Variants in CTNNA3 observed in about 807,000 individuals in gnomAD.
CTNNA3 encodes catenin alpha-3.
In CTNNA3, 76 loss-of-function variants were observed where a neutral mutation model predicts 95.7. The observed-to-expected ratio is 0.79, with a 90% CI of 0.66 to 0.96. The LOEUF (loss-of-function observed/expected upper bound fraction) is 0.96, where lower values mean the gene tolerates loss of function less well. Among genes scored for constraint, CTNNA3 ranks in the 40% least tolerant of loss-of-function variants. The probability of loss-of-function intolerance (pLI) is 0.00; values close to 1 mark genes in which losing one functional copy is unlikely to be tolerated. For synonymous variants in CTNNA3, 431 were observed against 374.4 expected (o/e 1.15, Z -1.74); for missense variants, 1,191 against 1,089.8 (o/e 1.09, Z -1.31).
chr10:67,064,308 G>C (rs891693285), intron 7 of CTNNA3, among the ~76,000 whole-genome samples: 19 of 151,912 alleles, frequency 1.3e-4, no homozygotes, highest in African/African-American at 4.1e-4. Flanking sequence ...ATTCTTGTTA[G>C]GTTTAATTTC....
chr10:66,210,265 T>C (rs572454322), intron 13 of CTNNA3, among the ~76,000 whole-genome samples: 15 of 151,036 alleles, frequency 9.9e-5, no homozygotes, highest in Admixed American at 3.3e-4. Flanking sequence ...ACAGCTGATA[T>C]GGGGAAAAAA....
At chr10:67,153,833 T>G (rs1486100596) in intron 7 of CTNNA3, among the ~76,000 whole-genome samples, 1 of 152,062 alleles carries the variant, frequency 6.6e-6, no homozygotes, top group Non-Finnish European at 1.5e-5. Flanking sequence ...AAAATGTTCC[T>G]TTTTTTCATA....
At chr10:66,766,200 A>G (rs757648535) in intron 9 of CTNNA3, 64 bp downstream of exon 9, 21 of 1,536,196 alleles carry the variant, frequency 1.4e-5, no homozygotes, top group Non-Finnish European at 1.5e-5. Flanking sequence ...CAATTCAACC[A>G]TAAATGGAGA....
At chr10:66,880,481 A>C (rs1844804048) in intron 7 of CTNNA3, among the ~76,000 whole-genome samples, 1 of 152,108 alleles carries the variant, frequency 6.6e-6, no homozygotes, top group Non-Finnish European at 1.5e-5. Context: ...AGGGTCTGTT[A>C]CTCAAACATA....
intron 13 of CTNNA3, among the ~76,000 whole-genome samples, chr10:66,258,043 T>G (rs184442318): frequency 2.6e-5 from 4 of 152,294 alleles, no homozygotes; most frequent in Admixed American, 2.6e-4. Flanking sequence ...ACACTTAACT[T>G]GAACAATTCT....
chr10:66,621,834 T>C lies in CTNNA3; in HGVS notation c.1282-50A>G, dbSNP rs150747678. 3.4e-3 allele frequency: 3,882 copies of C among 1,134,848 alleles called. 12 individuals carry two copies. The highest frequency in any genetic ancestry group is 4.1e-3 in the Non-Finnish European group (3,139 of 762,126). The allele number at this position is 1,134,848 out of a possible 1,614,324, so 70.3% of individuals were successfully genotyped here. ...AAATTATTTTAGATTAGCAAGGAAA[T>C]GCAGCAACACTTATACTGAACAAGA... On this transcript the variant is annotated intron_variant, in intron 9 of 17. Transcript: ENST00000433211.
chr10:66,899,814 G>A (rs1845659796), intron 7 of CTNNA3, among the ~76,000 whole-genome samples: 1 of 152,092 alleles, frequency 6.6e-6, no homozygotes, highest in African/African-American at 2.4e-5. Context: ...ATCTGCCACT[G>A]CTGAGGCTTG....
chr10:67,364,598 C>G (rs1430083033), intron 5 of CTNNA3, among the ~76,000 whole-genome samples: 1 of 152,078 alleles, frequency 6.6e-6, no homozygotes, highest in East Asian at 1.9e-4. Flanking sequence ...AAACAGAGAG[C>G]CAAATCATGA....
chr10:66,843,430 G>T (rs1843138894), intron 7 of CTNNA3, among the ~76,000 whole-genome samples: 1 of 152,204 alleles, frequency 6.6e-6, no homozygotes, highest in Non-Finnish European at 1.5e-5. Flanking sequence ...TGTGAGATGT[G>T]CCTGATAAAC....
chr10:67,615,640 A>G (rs959011243), intron 2 of CTNNA3, among the ~76,000 whole-genome samples: 6 of 151,500 alleles, frequency 4.0e-5, no homozygotes, highest in Non-Finnish European at 8.8e-5. Flanking sequence ...TAAATGTGTA[A>G]CACAACGGCA....
At chr10:67,477,704 A>G (rs1172431610) in intron 5 of CTNNA3, among the ~76,000 whole-genome samples, 1 of 152,226 alleles carries the variant, frequency 6.6e-6, no homozygotes, top group Non-Finnish European at 1.5e-5. Context: ...CTGCAAGAAA[A>G]TAATTACAAA....
intron 16 of CTNNA3, among the ~76,000 whole-genome samples, chr10:65,984,467 A>AAAGG (rs2078384719): frequency 6.6e-6 from 1 of 151,382 alleles, no homozygotes; most frequent in African/African-American, 2.4e-5. Flanking sequence ...ATGAAATGGA[A>AAAGG]AAGGCCAAAA....
At chr10:67,215,179 C>T (rs1173181117) in intron 6 of CTNNA3, among the ~76,000 whole-genome samples, 1 of 152,092 alleles carries the variant, frequency 6.6e-6, no homozygotes, top group Admixed American at 6.6e-5. Context: ...ACCTAATCAC[C>T]TGTTTTGCCT....
chr10:67,504,004 A>C (rs928530536), intron 5 of CTNNA3, among the ~76,000 whole-genome samples: 25 of 151,560 alleles, frequency 1.6e-4, no homozygotes, highest in Non-Finnish European at 2.9e-4. Flanking sequence ...AAAAATACAA[A>C]AAATCAGCTG....
intron 12 of CTNNA3, among the ~76,000 whole-genome samples, chr10:66,337,695 G>A (rs1186361410): frequency 6.6e-6 from 1 of 152,066 alleles, no homozygotes; most frequent in African/African-American, 2.4e-5. Flanking sequence ...AAACCCTAAT[G>A]AGATGTCATT....
chr10:67,429,856 T>C (rs1255982240), intron 5 of CTNNA3, among the ~76,000 whole-genome samples: 1 of 151,892 alleles, frequency 6.6e-6, no homozygotes, highest in Non-Finnish European at 1.5e-5. Context: ...CCAATTTGGA[T>C]GCACATGTTT....
chr10:67,115,035 T>C (rs1490898227), intron 7 of CTNNA3, among the ~76,000 whole-genome samples: 3 of 152,094 alleles, frequency 2.0e-5, no homozygotes, highest in Non-Finnish European at 4.4e-5. Context: ...TTGTGTCAGC[T>C]CAGAACTTCC....
At chr10:66,160,253 C>T (rs562671851) in intron 13 of CTNNA3, among the ~76,000 whole-genome samples, 3 of 151,798 alleles carry the variant, frequency 2.0e-5, no homozygotes, top group Non-Finnish European at 2.9e-5. Flanking sequence ...TCTCTAGTTC[C>T]TTGAGGTGTG....
intron 9 of CTNNA3, among the ~76,000 whole-genome samples, chr10:66,645,228 A>G (rs1291447414): frequency 2.0e-5 from 3 of 152,214 alleles, no homozygotes; most frequent in Admixed American, 2.0e-4. Flanking sequence ...TAATTCATCA[A>G]TTTTTTAAAT....
Sources: allele counts gnomAD v4.1 joint callset (sites outside exome capture counted in the v4.1 genomes callset), GRCh38; gene constraint gnomAD v4.1.1; transcripts MANE v1.5; gene names NCBI Gene and HGNC (gene_info 2026-07-23, HGNC 2026-07-21).